FREM2: variants seen among roughly 807,000 people sequenced by gnomAD.
FREM2 encodes FRAS1-related extracellular matrix protein 2.
In FREM2, 119 loss-of-function variants were observed where a neutral mutation model predicts 219.9. That is an observed-to-expected ratio of 0.54 (90% CI 0.47 to 0.63). The LOEUF is 0.63. Among genes scored for constraint, FREM2 ranks in the 30% least tolerant of loss-of-function variants. FREM2 has a pLI of 0.00. For missense variants in FREM2, 4,030 were observed against 3,993.6 expected (o/e 1.01, Z -0.25); for synonymous variants, 1,562 against 1,522.8 (o/e 1.03, Z -0.60).
intron 6 of FREM2, among the ~76,000 whole-genome samples, chr13:38,836,540 T>C (rs1167845881): frequency 6.6e-6 from 1 of 152,218 alleles, no homozygotes; most frequent in African/African-American, 2.4e-5. Flanking sequence ...TCTTTGTACC[T>C]CTGGTAGAAT....
chr13:38,708,844 C>CT (rs1312692552), intron 2 of FREM2, among the ~76,000 whole-genome samples: 1 of 152,114 alleles, frequency 6.6e-6, no homozygotes, highest in Non-Finnish European at 1.5e-5. Flanking sequence ...ACTGCAACCT[C>CT]TGCCTCACAG....
At chr13:38,830,249 TA>T (rs1876456114) in intron 6 of FREM2, among the ~76,000 whole-genome samples, 1 of 152,118 alleles carries the variant, frequency 6.6e-6, no homozygotes, top group African/African-American at 2.4e-5. Flanking sequence ...ACAACACAAA[TA>T]TCCTTCAAAA....
chr13:38,843,453 G>T (rs1877035618), intron 6 of FREM2, among the ~76,000 whole-genome samples: 1 of 144,856 alleles, frequency 6.9e-6, no homozygotes, highest in Admixed American at 7.1e-5. Context: ...AAAAAAAAAA[G>T]TTTACCAAAG....
Position 38,807,189 on chromosome 13 carries a change from T to TATATATATATATATATA in FREM2, c.6019+22381_6019+22382insATATATATATATATATA, listed in dbSNP as rs1555268805. Among the ~76,000 whole-genome samples the TATATATATATATATATA allele has an allele frequency of 7.1e-3, 320 of 45,352 alleles. 81 individuals carry two copies. Among genetic ancestry groups the TATATATATATATATATA allele is most frequent in the Non-Finnish European group, 0.01 (235 of 22,408 alleles). 29.8% of individuals were successfully genotyped at this position (45,352 alleles called of 152,430 possible). ...CCTTTTTGCAGAGATCTTGTCTCTG[T>TATATATATATATATATA]TATATATATATATATATATATATAT... is the stretch of plus-strand genomic sequence containing the variant. On this transcript the variant is annotated intron_variant, in intron 6 of 23. Transcript: ENST00000280481.
intron 2 of FREM2, among the ~76,000 whole-genome samples, chr13:38,756,710 G>A (rs957621488): frequency 3.3e-5 from 5 of 151,300 alleles, no homozygotes; most frequent in Admixed American, 2.6e-4. Context: ...GTGTGTGTGT[G>A]TATATTTTTA....
At chr13:38,755,432 G>A (rs1872958407) in intron 2 of FREM2, among the ~76,000 whole-genome samples, 1 of 152,166 alleles carries the variant, frequency 6.6e-6, no homozygotes, top group African/African-American at 2.4e-5. Flanking sequence ...TCCAAAGTGT[G>A]CTGCTTGGCC....
chr13:38,857,772 C>T (rs887855734), intron 12 of FREM2, 103 bp from the exon 13 acceptor site: 19 of 975,538 alleles, frequency 1.9e-5, no homozygotes, highest in Middle Eastern at 2.2e-4. Flanking sequence ...TGCATCATAA[C>T]GAGGCCATGG....
At chr13:38,701,058 AG>A (rs1294958000) in intron 2 of FREM2, among the ~76,000 whole-genome samples, 1 of 152,012 alleles carries the variant, frequency 6.6e-6, no homozygotes, top group African/African-American at 2.4e-5. Context: ...AGTCATGTCA[AG>A]GGGGGTTGTT....
intron 4 of FREM2, among the ~76,000 whole-genome samples, chr13:38,773,927 C>G (rs545556130): frequency 2.0e-5 from 3 of 151,368 alleles, no homozygotes; most frequent in Admixed American, 6.6e-5. Flanking sequence ...TTACTTTCCC[C>G]AAGTCACCCA....
chr13:38,846,306 A>G (rs781411087), intron 6 of FREM2, among the ~76,000 whole-genome samples: 8 of 152,104 alleles, frequency 5.3e-5, no homozygotes, highest in Non-Finnish European at 8.8e-5. Flanking sequence ...GCCACTTATA[A>G]TCCCACATAT....
In FREM2 at chr13:38,687,776, C is replaced by T. The variant is rs1478585515; in HGVS notation, c.432C>T (p.Arg144=). Residue 144 remains arginine, a synonymous_variant, in exon 1 of 24, where the codon CGC becomes CGT. Transcript: ENST00000280481. ...GEVRYSHLGA[R]SPSRDRVRLQ... ...TGCGCTACTCTCACCTGGGCGCGCG[C>T]AGCCCGTCTCGGGACCGCGTCCGGC... 2 of 1,537,794 alleles carry T rather than the reference C, an allele frequency of 1.3e-6. No homozygotes were observed. Among genetic ancestry groups the T allele is most frequent in the Admixed American group, 1.9e-5 (1 of 52,352 alleles).
intron 4 of FREM2, among the ~76,000 whole-genome samples, chr13:38,781,506 A>C (rs1380139374): frequency 1.3e-5 from 2 of 151,946 alleles, no homozygotes; most frequent in Non-Finnish European, 2.9e-5. Context: ...CCCCTCAACT[A>C]TAATAAAAAC....
chr13:38,746,910 T>G (rs1872507540), intron 2 of FREM2, among the ~76,000 whole-genome samples: 1 of 152,162 alleles, frequency 6.6e-6, no homozygotes, highest in Admixed American at 6.5e-5. Context: ...TGGCAGCATT[T>G]CCTGGGTCCT....
rs1555270912 is a variant in FREM2 at position 38,837,775 on chromosome 13, G to GTTTTTTTTTTTTTTTTTTT, written c.6020-8794_6020-8793insTTTTTTTTTTTTTTTTTTT. Among the ~76,000 whole-genome samples, 39 of 128,888 alleles carry GTTTTTTTTTTTTTTTTTTT rather than the reference G, an allele frequency of 3.0e-4. 5 individuals carry two copies. Among genetic ancestry groups the GTTTTTTTTTTTTTTTTTTT allele is most frequent in the Middle Eastern group, 4.0e-3 (1 of 252 alleles). The allele number at this position is 128,888 out of a possible 152,430, so 84.6% of individuals were successfully genotyped here. On this transcript the variant is annotated intron_variant, in intron 6 of 23. Coordinates refer to ENST00000280481, the MANE Select transcript of FREM2 (RefSeq NM_207361.6). Reference sequence around the variant, plus strand: ...GGATTGCAACCCCTGGTTTTTTTTTGTTTTGTTTTGTTTTGTTTTTGCTTT... The same window carrying GTTTTTTTTTTTTTTTTTTT: ...GGATTGCAACCCCTGGTTTTTTTTTGTTTTTTTTTTTTTTTTTTTTTTTGTTTTGTTTTGTTTTTGCTTT...
intron 6 of FREM2, among the ~76,000 whole-genome samples, chr13:38,808,294 G>A (rs903740722): frequency 2.6e-5 from 4 of 151,844 alleles, no homozygotes; most frequent in Admixed American, 1.3e-4. Context: ...AACTTTCTCC[G>A]TATCATCAAA....
At chr13:38,818,462 A>T (rs1470754827) in intron 6 of FREM2, among the ~76,000 whole-genome samples, 5 of 152,128 alleles carry the variant, frequency 3.3e-5, no homozygotes, top group Admixed American at 3.3e-4. Context: ...GATGTCACTC[A>T]TATGTGGAAT....
chr13:38,875,993 C>T, intron 18 of FREM2, 29 bp from the exon 19 acceptor site: 1 of 1,591,526 alleles, frequency 6.3e-7, no homozygotes, highest in Non-Finnish European at 8.6e-7. Flanking sequence ...ACCACTATAT[C>T]ATTATTATAA....
In FREM2 at chr13:38,688,710, C is replaced by A. The variant is rs780525674; in HGVS notation, c.1366C>A (p.Pro456Thr). 5 of 1,613,946 alleles carry A rather than the reference C, an allele frequency of 3.1e-6. No individual in the cohort carries two copies. The highest frequency in any genetic ancestry group is 3.4e-6 in the Non-Finnish European group (4 of 1,179,850). ...GLILYEGQSR[P>T]LTGPAGSGPQ... ...TATTCTCTATGAGGGTCAGTCTCGG[C>A]CCCTCACAGGCCCTGCAGGCAGTGG... The change falls in exon 1 of 24, where the codon CCC becomes ACC. Residue 456 changes from proline (P) to threonine (T), a missense_variant. By Grantham distance (38) the Pro-to-Thr change is conservative. This residue lies in a region of FREM2 where 3,102 missense variants were observed against 2,950.7 expected (regional missense o/e 1.05). Transcript: ENST00000280481.
intron 18 of FREM2, 121 bp downstream of exon 18, chr13:38,874,707 A>G: frequency 1.3e-6 from 1 of 784,132 alleles, no homozygotes. Flanking sequence ...AATGAATTGT[A>G]CATGTGGGAT....
Sources: gnomAD v4.1 joint callset for allele counts (sites outside exome capture counted in the v4.1 genomes callset) on GRCh38, gnomAD v4.1.1 for gene constraint, gnomAD v4.1.1 regional missense constraint, MANE v1.5 for transcripts, NCBI Gene and HGNC (gene_info 2026-07-23, HGNC 2026-07-21) for gene names.